Variants in DHX32 observed in about 807,000 individuals in gnomAD.
DHX32 encodes the protein DEAH-box helicase 32 (putative), also known as putative pre-mRNA-splicing factor ATP-dependent RNA helicase DHX32.
DHX32 carries 51 observed loss-of-function variants against 70.0 expected under a neutral mutation model. The ratio of observed to expected loss-of-function variants is 0.73; its 90% CI spans 0.58 to 0.92. The LOEUF (loss-of-function observed/expected upper bound fraction) is 0.92, where lower values mean the gene tolerates loss of function less well. Among genes scored for constraint, DHX32 ranks in the 40% least tolerant of loss-of-function variants. The pLI, the probability that DHX32 is intolerant of heterozygous loss-of-function variation, is 0.00. For synonymous variants in DHX32, 310 were observed against 315.3 expected, an observed-to-expected ratio of 0.98 and a Z score of 0.18; for missense variants, 762 against 891.8, an observed-to-expected ratio of 0.85 and a Z score of 1.85.
chr10:125,839,095 T>A lies in DHX32; in HGVS notation c.1787A>T (p.Lys596Met). The A allele has an allele frequency of 6.2e-7, 1 of 1,614,234 alleles. No homozygotes were observed. The highest frequency in any genetic ancestry group is 8.5e-7 in the Non-Finnish European group (1 of 1,180,048). The change falls in exon 9 of 11, where the codon AAG (lysine) becomes ATG (methionine). Residue 596 changes from lysine (K) to methionine (M), a missense_variant. Lys to Met is a moderately conservative substitution (Grantham distance 95). Transcript: ENST00000284690. The stretch of plus-strand genomic sequence containing the variant: ...TTCTGCATAGGGAAGCTCGATTCGC[T>A]TGATAATTTCTAAGAGTTCAGCTCG... ...VIRAELLEII[K>M]RIELPYAEPA...
In DHX32 at chr10:125,880,604, T is replaced by C; in HGVS notation, c.221A>G (p.Asn74Ser). The change falls in exon 1 of 11, where the codon AAC becomes AGC. Residue 74 changes from asparagine (N) to serine (S), a missense_variant. Asn to Ser is a conservative substitution (Grantham distance 46). Around this residue, in one of 3 missense-constraint regions of DHX32, gnomAD observed 394 missense variants for 473.1 expected, o/e 0.83. Coordinates refer to ENST00000284690, the MANE Select transcript of DHX32 (RefSeq NM_018180.3). ...IWKEKYSFME[N>S]LLQNQIVIVS... is the part of the protein sequence containing the mutation. Reference sequence around the variant, plus strand: ...AATCACGATTTGATTTTGAAGCAGGTTCTCCATAAAGGAGTATTTTTCTTT... The same window carrying C: ...AATCACGATTTGATTTTGAAGCAGGCTCTCCATAAAGGAGTATTTTTCTTT... The C allele has an allele frequency of 6.2e-7, 1 of 1,613,750 alleles. No individual in the cohort carries two copies. The highest frequency in any genetic ancestry group is 1.7e-4 in the Middle Eastern group (1 of 6,060).
chr10:125,852,209 C>T lies in DHX32; in HGVS notation c.1351+84G>A, dbSNP rs551823067. ...CTCCATGCTTGTGTGCATTGCTGCG[C>T]ATCATGTGAACTCAGGACAGAGAAT... On this transcript the variant is annotated intron_variant, in intron 6 of 10. Coordinates refer to ENST00000284690, the MANE Select transcript of DHX32 (RefSeq NM_018180.3). 31 of 1,519,258 alleles carry T rather than the reference C, an allele frequency of 2.0e-5. 1 individual carries two copies. In the African/African-American group the frequency reaches 3.3e-4, roughly 16 times the overall value. The allele number at this position is 1,519,258 out of a possible 1,614,324, so 94.1% of individuals were successfully genotyped here. A position where few individuals can be genotyped will look rare whatever the true frequency, so the allele number is the denominator to read the frequency against.
intron 2 of DHX32, among the ~76,000 whole-genome samples, chr10:125,863,755 T>C (rs1222604150): frequency 1.3e-5 from 2 of 152,150 alleles, no homozygotes; most frequent in Non-Finnish European, 2.9e-5. Context: ...GGCCAATCAA[T>C]GATCAATGTT....
intron 10 of DHX32, 21 bp downstream of exon 10, chr10:125,838,184 CT>C (rs762805689): frequency 6.5e-7 from 1 of 1,545,902 alleles, no homozygotes; most frequent in Non-Finnish European, 8.7e-7. Context: ...AAATACAACC[CT>C]TTCTTCTCCA....
chr10:125,859,491 G>T, intron 3 of DHX32, 112 bp downstream of exon 3: 1 of 1,243,036 alleles, frequency 8.0e-7, no homozygotes, highest in Non-Finnish European at 1.1e-6. Flanking sequence ...GAGGTGTGAT[G>T]AAACCAAATA....
At position 125,836,778 on chromosome 10, in the gene DHX32, A is replaced by G; in HGVS notation, c.2141T>C (p.Val714Ala). 1.9e-6 allele frequency: 3 copies of G among 1,614,112 alleles called. No individual in the cohort carries two copies. The highest frequency in any genetic ancestry group is 1.7e-5 in the Admixed American group (1 of 60,016). The change falls in exon 11 of 11, where the codon GTG (valine) becomes GCG (alanine). Residue 714 changes from valine (V) to alanine (A), a missense_variant. By Grantham distance (64) the Val-to-Ala change is moderately conservative. Transcript: ENST00000284690. ...SESKDILQQV[V>A]DHLSPVSTMN... The stretch of plus-strand genomic sequence containing the variant: ...TGTTGACACAGGGGATAGGTGATCC[A>G]CTACTTGCTGTAGAATGTCCTTACT...
chr10:125,853,851 C>A, intron 4 of DHX32, 110 bp downstream of exon 4: 1 of 1,369,644 alleles, frequency 7.3e-7, no homozygotes, highest in African/African-American at 1.5e-5. Context: ...CAACGAATCC[C>A]CAGGTCACAT....
Position 125,854,176 on chromosome 10 carries a change from A to G in DHX32, c.877T>C (p.Tyr293His). ...QDIEKVCETV[Y>H]QGSNLNPDLG... ...TCTGGGTTTAGGTTAGATCCTTGAT[A>G]GACAGTTTCACAGACTTTCTCAATA... The change falls in exon 4 of 11, where the codon TAT (tyrosine) becomes CAT (histidine). Residue 293 changes from tyrosine to histidine, a missense_variant. Physicochemically the swap from Tyr to His is moderately conservative, Grantham distance 83. Coordinates refer to ENST00000284690, the MANE Select transcript of DHX32 (RefSeq NM_018180.3). 1 of 1,611,700 alleles carries G rather than the reference A, an allele frequency of 6.2e-7. No individual in the cohort carries two copies.
At chr10:125,850,824 C>G (rs1306074643) in intron 6 of DHX32, among the ~76,000 whole-genome samples, 1 of 152,222 alleles carries the variant, frequency 6.6e-6, no homozygotes, top group African/African-American at 2.4e-5. Context: ...CCTCTGAATA[C>G]AAAGATGACC....
Position 125,852,495 on chromosome 10 carries a change from C to T in DHX32, c.1193-44G>A. On this transcript the variant is annotated intron_variant, in intron 5 of 10. Transcript: ENST00000284690. ...AATGGCTTTAATATTTCTGGGTTGCCTGCATACAAGAATTGACAACATTTA... is the reference window on the plus strand; with the variant it reads ...AATGGCTTTAATATTTCTGGGTTGCTTGCATACAAGAATTGACAACATTTA... 1.9e-6 allele frequency: 3 copies of T among 1,613,410 alleles called. 1 individual carries two copies. The Middle Eastern group carries it at 5.0e-4, about 266-fold the overall frequency.
chr10:125,854,289 G>T, intron 3 of DHX32, 86 bp from the exon 4 acceptor site: 1 of 1,360,308 alleles, frequency 7.4e-7, no homozygotes. Flanking sequence ...AAAATTTTAG[G>T]CAATACTACG....
chr10:125,853,215 T>C, intron 4 of DHX32: 1 of 1,612,202 alleles, frequency 6.2e-7, no homozygotes, highest in East Asian at 2.2e-5. Flanking sequence ...CAGGGAACCT[T>C]CATGACTGTT....
chr10:125,869,011 C>T (rs1472151941), intron 1 of DHX32, among the ~76,000 whole-genome samples: 2 of 152,108 alleles, frequency 1.3e-5, no homozygotes, highest in Non-Finnish European at 2.9e-5. Flanking sequence ...TATCCTAGTA[C>T]TCAGTAATTA....
At chr10:125,878,283 A>G (rs1242727766) in intron 1 of DHX32, among the ~76,000 whole-genome samples, 1 of 152,222 alleles carries the variant, frequency 6.6e-6, no homozygotes, top group Non-Finnish European at 1.5e-5. Context: ...ATTTGTGCCT[A>G]TACAAGAAAT....
chr10:125,884,069 C>T (rs529080702), upstream of DHX32, among the ~76,000 whole-genome samples: 3 of 152,298 alleles, frequency 2.0e-5, no homozygotes, highest in East Asian at 5.8e-4. Context: ...AGGCGCAAAA[C>T]TATGACATTT....
chr10:125,855,828 ATTCT>A (rs1331657953), intron 3 of DHX32, among the ~76,000 whole-genome samples: 3 of 152,166 alleles, frequency 2.0e-5, no homozygotes, highest in African/African-American at 7.2e-5. Flanking sequence ...ATGGCCACTA[ATTCT>A]TTATTTGGTT....
At position 125,866,066 on chromosome 10, in the gene DHX32, TACTG is replaced by T. The variant is rs1160789882; in HGVS notation, c.476+920_476+923del. Among the ~76,000 whole-genome samples, 2 of 152,138 alleles carry T rather than the reference TACTG, an allele frequency of 1.3e-5. No individual in the cohort carries two copies. The highest frequency in any genetic ancestry group is 2.4e-5 in the African/African-American group (1 of 41,436). On this transcript the variant is annotated intron_variant, in intron 2 of 10. Coordinates refer to ENST00000284690, the MANE Select transcript of DHX32 (RefSeq NM_018180.3). This position sits in a 1 kb window ranked among gnomAD's most constrained non-coding sequence, Gnocchi z 4.8. ...CAAATGGGTTAGAGAGGTGCAGAAA[TACTG>T]ACCCCGAGATACTTAGCTACTTGGC... is the stretch of plus-strand genomic sequence containing the variant.
rs1223704456 is a variant in DHX32, at chr10:125,864,884, C to T, written c.476+2106G>A. Among the ~76,000 whole-genome samples the T allele has an allele frequency of 5.1e-5, 6 of 117,948 alleles. No individual in the cohort carries two copies. The East Asian group carries it at 1.4e-3, about 28-fold the overall frequency. The allele number at this position is 117,948 out of a possible 152,430, so 77.4% of individuals were successfully genotyped here. On this transcript the variant is annotated intron_variant, in intron 2 of 10. Transcript: ENST00000284690. ...GATGGAGGTTGAAGTGAGCTGAGAT[C>T]GTGCCACTTCACTCCAGCCTGGGAG...
At chr10:125,873,181 AG>A (rs1343665659) in intron 1 of DHX32, among the ~76,000 whole-genome samples, 2 of 152,200 alleles carry the variant, frequency 1.3e-5, no homozygotes, top group Non-Finnish European at 2.9e-5. Flanking sequence ...CTGTGGCAAG[AG>A]GACCTCCACA....
Sources: gnomAD v4.1 joint callset for allele counts (sites outside exome capture counted in the v4.1 genomes callset) on GRCh38, gnomAD v4.1.1 for gene constraint, gnomAD v4.1.1 regional missense constraint, Gnocchi (gnomAD v3.1) non-coding constraint, MANE v1.5 for transcripts, NCBI Gene and HGNC (gene_info 2026-07-23, HGNC 2026-07-21) for gene names.